Variants in SRCIN1 observed in about 807,000 individuals in gnomAD.
The protein encoded by SRCIN1 is SRC kinase signaling inhibitor 1.
A neutral mutation model predicts 116.2 loss-of-function variants in SRCIN1; 50 were observed. The ratio of observed to expected loss-of-function variants is 0.43; its 90% confidence interval spans 0.34 to 0.54. The LOEUF (loss-of-function observed/expected upper bound fraction) is 0.54. Among genes scored for constraint, SRCIN1 ranks in the 20% least tolerant of loss-of-function variants. The pLI is 0.02. For synonymous variants in SRCIN1, 736 were observed against 750.0 expected (o/e 0.98, Z 0.30); for missense variants, 1,446 against 1,672.0 (o/e 0.86, Z 2.36).
intron 1 of SRCIN1, among the ~76,000 whole-genome samples, chr17:38,591,617 T>A (rs1445827339): frequency 6.6e-6 from 1 of 152,214 alleles, no homozygotes; most frequent in Non-Finnish European, 1.5e-5. Flanking sequence ...CTAAGAGCGC[T>A]GTTCCAGGGC....
Position 38,559,735 on chromosome 17 carries a change from C to A in SRCIN1, c.1875G>T (p.Pro625=). Residue 625 remains proline (P), a synonymous_variant, in exon 10 of 19, where the codon CCG becomes CCT. Transcript: ENST00000617146. ...GSGGRSSGAT[P]VSGPPPPSAS... is the part of the protein sequence containing the mutation. The stretch of plus-strand genomic sequence containing the variant: ...CCGAGGGCGGGGGCGGGCCGGACAC[C>A]GGGGTGGCCCCGCTGCTCCGGCCGC... 1.9e-6 allele frequency: 3 copies of A among 1,547,474 alleles called. No individual in the cohort carries two copies. Among genetic ancestry groups the A allele is most frequent in the Non-Finnish European group, 2.6e-6 (3 of 1,155,702 alleles).
Position 38,552,015 on chromosome 17 carries a change from G to A in SRCIN1, c.2598C>T (p.Ser866=). The A allele has an allele frequency of 3.1e-6, 5 of 1,613,948 alleles. No individual in the cohort carries two copies. Among genetic ancestry groups the A allele is most frequent in the Non-Finnish European group, 4.2e-6 (5 of 1,179,888 alleles). The change falls in exon 14 of 19, where the codon AGC becomes AGT. Residue 866 remains serine (S), a synonymous_variant. Coordinates refer to ENST00000617146, the MANE Select transcript of SRCIN1 (RefSeq NM_025248.3). The surrounding 1 kb of genome is among the most constrained non-coding windows in gnomAD (Gnocchi z 5.3). ...TCAGCTCATGCAGGTTCAGCGGGGG[G>A]CTGGGGGGTGGCATTTCGAAGTCCA... ...KSVDFEMPPP[S]PPLNLHELSG...
Position 38,533,253 on chromosome 17 carries a change from GGAGT to G in SRCIN1, c.*40_*43del. The G allele has an allele frequency of 6.6e-7, 1 of 1,524,652 alleles. No homozygotes were observed. 94.4% of individuals were successfully genotyped at this position (1,524,652 alleles called of 1,614,324 possible). ...GAAGGAAGAGAGGGGAGAAATGGCA[GGAGT>G]GAGGGAGGGGGACAGGCGGGGCAGC... On this transcript the variant is annotated 3_prime_UTR_variant, in exon 19 of 19. Transcript: ENST00000617146.
Position 38,563,557 on chromosome 17 carries a change from C to T in SRCIN1, c.542-36G>A. The T allele has an allele frequency of 6.5e-7, 1 of 1,540,722 alleles. No homozygotes were observed. Among genetic ancestry groups the T allele is most frequent in the African/African-American group, 1.4e-5 (1 of 73,158 alleles). ...GACGCCGCCCTCGCTGTCACTGCTG[C>T]CGTCTCCACGCCGCCCTCCAGGAGA... On this transcript the variant is annotated intron_variant, in intron 4 of 18. Coordinates refer to ENST00000617146, the MANE Select transcript of SRCIN1 (RefSeq NM_025248.3). The surrounding 1 kb of genome is among the most constrained non-coding windows in gnomAD (Gnocchi z 5.8).
chr17:38,533,826 G>C (rs922204336), intron 18 of SRCIN1, among the ~76,000 whole-genome samples: 5 of 127,284 alleles, frequency 3.9e-5, no homozygotes, highest in African/African-American at 1.2e-4. Context: ...CAAGCCCTGC[G>C]GGGGACGGGG....
intron 1 of SRCIN1, among the ~76,000 whole-genome samples, chr17:38,584,013 C>T (rs1243441975): frequency 3.9e-5 from 6 of 152,134 alleles, no homozygotes; most frequent in Admixed American, 1.3e-4. Flanking sequence ...ACACAGGGAT[C>T]GATTCCAATC....
intron 2 of SRCIN1, 48 bp downstream of exon 2, chr17:38,578,442 C>A (rs1907553980): frequency 1.3e-6 from 2 of 1,484,022 alleles, no homozygotes; most frequent in Non-Finnish European, 1.8e-6. Context: ...TCCTCCCCTG[C>A]CCGCTGGCCG....
In SRCIN1 at chr17:38,572,202, A is replaced by G. The variant is rs1368711919; in HGVS notation, c.325-3971T>C. On this transcript the variant is annotated intron_variant, in intron 2 of 18. Transcript: ENST00000617146. The surrounding 1 kb of genome is among the most constrained non-coding windows in gnomAD (Gnocchi z 4.3). The stretch of plus-strand genomic sequence containing the variant: ...TGCACACACCCACCTCTCAACTCCC[A>G]TGAACACGAGTCAGCGTAAACACTC... Among the ~76,000 whole-genome samples the G allele has an allele frequency of 6.6e-6, 1 of 152,116 alleles. No homozygotes were observed. The highest frequency in any genetic ancestry group is 1.5e-5 in the Non-Finnish European group (1 of 68,004).
chr17:38,604,768 G>T lies in SRCIN1; in HGVS notation c.22+916C>A, dbSNP rs542729836. On this transcript the variant is annotated intron_variant, in intron 1 of 18. Transcript: ENST00000617146. This position sits in a 1 kb window ranked among gnomAD's most constrained non-coding sequence, Gnocchi z 4.3. ...TGGCCCGGGAGCTTCTGACGTAGCA[G>T]GGGGGTGCGTGGGAGGGGAGGGGGG... Among the ~76,000 whole-genome samples, 7 of 152,206 alleles carry T rather than the reference G, an allele frequency of 4.6e-5. No individual in the cohort carries two copies. The highest frequency in any genetic ancestry group is 3.3e-4 in the Admixed American group (5 of 15,308).
At position 38,534,174 on chromosome 17, in the gene SRCIN1, C is replaced by T. The variant is rs192419574; in HGVS notation, c.3418-743G>A. Among the ~76,000 whole-genome samples, 57 of 152,320 alleles carry T rather than the reference C, an allele frequency of 3.7e-4. No homozygotes were observed. In the East Asian group the frequency reaches 0.01, roughly 27 times the overall value. On this transcript the variant is annotated intron_variant, in intron 18 of 18. Coordinates refer to ENST00000617146, the MANE Select transcript of SRCIN1 (RefSeq NM_025248.3). ...TGACCCCTCATCCTCCTCCCACCTT[C>T]GGTGGACTCCCGCAACTCCACCGGT... is the stretch of plus-strand genomic sequence containing the variant.
At chr17:38,578,877 G>A (rs1405999016) in intron 1 of SRCIN1, 86 bp from the exon 2 acceptor site, 1 of 1,403,280 alleles carries the variant, frequency 7.1e-7, no homozygotes, top group African/African-American at 1.5e-5. Flanking sequence ...TGCGGGAAGG[G>A]GCGGGGCCTG....
At chr17:38,584,242 T>G (rs1907985742) in intron 1 of SRCIN1, among the ~76,000 whole-genome samples, 1 of 152,054 alleles carries the variant, frequency 6.6e-6, no homozygotes, top group Admixed American at 6.5e-5. Context: ...GGCCTGAAGG[T>G]TCCCCCCAAC....
At chr17:38,575,052 G>A (rs745447739) in intron 2 of SRCIN1, 33 of 399,212 alleles carry the variant, frequency 8.3e-5, no homozygotes, top group Non-Finnish European at 1.3e-4. Context: ...GGGAGGGAAG[G>A]GCATTCCTGG....
intron 1 of SRCIN1, among the ~76,000 whole-genome samples, chr17:38,591,751 C>T (rs755046593): frequency 2.0e-5 from 3 of 152,222 alleles, no homozygotes; most frequent in Non-Finnish European, 2.9e-5. Flanking sequence ...TCAGCTGAAA[C>T]TGCTCCTTCC....
rs546054786 is a variant in SRCIN1, at chr17:38,581,988, C to T, written c.23-3197G>A. On this transcript the variant is annotated intron_variant, in intron 1 of 18. Coordinates refer to ENST00000617146, the MANE Select transcript of SRCIN1 (RefSeq NM_025248.3). ...GGAGGGGACCCTCTGAGGCCAAGAG[C>T]CTTTCCTTTGCCCAGGCCTTGTGGA... is the stretch of plus-strand genomic sequence containing the variant. 5.3e-5 allele frequency among the ~76,000 whole-genome samples: 8 copies of T among 152,326 alleles called. No individual in the cohort carries two copies. In the South Asian group the frequency reaches 1.7e-3, roughly 32 times the overall value.
chr17:38,541,198 C>T (rs1726206533), intron 18 of SRCIN1: 1 of 151,700 alleles, frequency 6.6e-6, no homozygotes, highest in Non-Finnish European at 1.5e-5. Flanking sequence ...GGGATCGCAC[C>T]ATTGCACTCC....
chr17:38,606,784 A>G (rs1268008936), upstream of SRCIN1, among the ~76,000 whole-genome samples: 1 of 151,076 alleles, frequency 6.6e-6, no homozygotes, highest in Non-Finnish European at 1.5e-5. This position sits in a 1 kb window ranked among gnomAD's most constrained non-coding sequence, Gnocchi z 5.2. Flanking sequence ...AGACTTCTCC[A>G]GCGCTGACCC....
At chr17:38,538,643 G>C (rs750906971) in intron 18 of SRCIN1, among the ~76,000 whole-genome samples, 2 of 151,976 alleles carry the variant, frequency 1.3e-5, no homozygotes, top group Non-Finnish European at 2.9e-5. Flanking sequence ...ACTGATACAC[G>C]TGAGGCCCAG....
chr17:38,539,146 T>C (rs1002769024), intron 18 of SRCIN1, among the ~76,000 whole-genome samples: 33 of 152,340 alleles, frequency 2.2e-4, no homozygotes, highest in Admixed American at 2.0e-3. Flanking sequence ...TGCCAAGCAC[T>C]ATTCTAGGTG....
Sources: gnomAD v4.1 joint callset for allele counts (sites outside exome capture counted in the v4.1 genomes callset) on GRCh38, gnomAD v4.1.1 for gene constraint, Gnocchi (gnomAD v3.1) non-coding constraint, MANE v1.5 for transcripts, NCBI Gene and HGNC (gene_info 2026-07-23, HGNC 2026-07-21) for gene names.